SNX29: variants seen among roughly 807,000 people sequenced by gnomAD.
SNX29 encodes the protein sorting nexin 29, also known as sorting nexin-29.
In SNX29, 78 loss-of-function variants were observed where a neutral mutation model predicts 102.1. That is an observed-to-expected ratio of 0.76 (90% CI 0.64 to 0.92). SNX29 has a LOEUF of 0.92. SNX29 is among the 40% of genes least tolerant of loss of function. The probability of loss-of-function intolerance (pLI) is 0.00; values close to 1 mark genes in which losing one functional copy is unlikely to be tolerated. For synonymous variants in SNX29, 580 were observed against 414.5 expected (o/e 1.40, Z -4.85); for missense variants, 1,280 against 1,061.7 (o/e 1.21, Z -2.86).
chr16:12,137,842 C>A (rs1246266060), intron 13 of SNX29, among the ~76,000 whole-genome samples: 1 of 152,176 alleles, frequency 6.6e-6, no homozygotes, highest in African/African-American at 2.4e-5. Context: ...TCCAGCCCAG[C>A]TTGGGCTAGG....
At chr16:12,515,442 C>A in intron 19 of SNX29, 1 of 471,738 alleles carries the variant, frequency 2.1e-6, no homozygotes, top group Non-Finnish European at 4.3e-6. Flanking sequence ...CCGCAAGTCA[C>A]CCCTGAAATA....
intron 19 of SNX29, among the ~76,000 whole-genome samples, chr16:12,495,780 G>A (rs367691256): frequency 1.1e-4 from 17 of 152,308 alleles, no homozygotes; most frequent in African/African-American, 3.8e-4. Context: ...CTGGTTGGGC[G>A]TGGTGGCTCA....
chr16:12,522,204 A>G (rs1479863522), intron 19 of SNX29, among the ~76,000 whole-genome samples: 5 of 152,222 alleles, frequency 3.3e-5, no homozygotes, highest in African/African-American at 1.2e-4. Flanking sequence ...TATCGCAAAT[A>G]CTGCATGGAA....
chr16:12,389,979 A>G (rs1285297938), intron 16 of SNX29, among the ~76,000 whole-genome samples: 1 of 152,204 alleles, frequency 6.6e-6, no homozygotes, highest in Admixed American at 6.5e-5. Flanking sequence ...TGTTTCACCA[A>G]TTGGTTGAAA....
At chr16:12,552,259 T>C (rs1365685916) in intron 20 of SNX29, among the ~76,000 whole-genome samples, 2 of 152,106 alleles carry the variant, frequency 1.3e-5, no homozygotes, top group Non-Finnish European at 2.9e-5. Flanking sequence ...TCCTAGGGGC[T>C]CGTAAGCCCT....
intron 2 of SNX29, among the ~76,000 whole-genome samples, chr16:12,000,021 G>A (rs1251108291): frequency 1.3e-5 from 2 of 151,870 alleles, no homozygotes; most frequent in Admixed American, 6.6e-5. Flanking sequence ...TAGGACCCTC[G>A]AGCACAAGAA....
chr16:12,287,490 C>G (rs988627830), intron 15 of SNX29, among the ~76,000 whole-genome samples: 1 of 152,174 alleles, frequency 6.6e-6, no homozygotes, highest in East Asian at 1.9e-4. Flanking sequence ...CTTGTTTCAT[C>G]CACTTACCCT....
chr16:12,312,924 A>G (rs779650823), intron 15 of SNX29, among the ~76,000 whole-genome samples: 5 of 152,114 alleles, frequency 3.3e-5, no homozygotes, highest in Non-Finnish European at 7.4e-5. Context: ...GTGGCTTGCC[A>G]GAGGTGGGAT....
In SNX29 at chr16:12,059,114, C is replaced by T. The variant is rs556053690; in HGVS notation, c.1125-2414C>T. Among the ~76,000 whole-genome samples the T allele has an allele frequency of 3.3e-5, 5 of 152,168 alleles. No homozygotes were observed. The East Asian group carries it at 9.7e-4, about 29-fold the overall frequency. ...TTTTGAGGCGGTGGTCCTTGGGGCT[C>T]ACTTCTCGGGTTTGGAACCTCATCC... On this transcript the variant is annotated intron_variant, in intron 8 of 20. Transcript: ENST00000566228.
At chr16:12,189,770 C>T (rs982672025) in intron 13 of SNX29, among the ~76,000 whole-genome samples, 2 of 151,520 alleles carry the variant, frequency 1.3e-5, no homozygotes, top group African/African-American at 4.8e-5. Context: ...GTTTTGATGC[C>T]CGGATCGTCT....
intron 19 of SNX29, among the ~76,000 whole-genome samples, chr16:12,491,917 T>C (rs1221797087): frequency 1.3e-5 from 2 of 152,250 alleles, no homozygotes; most frequent in African/African-American, 4.8e-5. Flanking sequence ...ATTTTCTTAA[T>C]CCAGTCTATC....
intron 4 of SNX29, among the ~76,000 whole-genome samples, chr16:12,032,123 T>G (rs1297055876): frequency 5.3e-5 from 8 of 152,176 alleles, no homozygotes; most frequent in Admixed American, 1.3e-4. Context: ...TGTTCTTTTT[T>G]GTCTGGCTTT....
chr16:12,306,521 C>T (rs138032636), intron 15 of SNX29, among the ~76,000 whole-genome samples: 1 of 152,226 alleles, frequency 6.6e-6, no homozygotes, highest in Admixed American at 6.5e-5. Context: ...TATTACAGAG[C>T]CTTTGAAATC....
intron 20 of SNX29, among the ~76,000 whole-genome samples, chr16:12,551,852 G>A (rs906969611): frequency 5.3e-5 from 8 of 152,134 alleles, no homozygotes; most frequent in African/African-American, 1.2e-4. Flanking sequence ...TGGGGACACA[G>A]GAGCAGGCAG....
chr16:12,268,303 C>T (rs986623721), intron 14 of SNX29, among the ~76,000 whole-genome samples: 22 of 152,154 alleles, frequency 1.4e-4, no homozygotes, highest in African/African-American at 5.3e-4. Flanking sequence ...TCTCTAGTGC[C>T]TGGTACCTGG....
chr16:12,466,096 G>T (rs958821519), intron 18 of SNX29, among the ~76,000 whole-genome samples: 1 of 152,188 alleles, frequency 6.6e-6, no homozygotes, highest in Non-Finnish European at 1.5e-5. Flanking sequence ...AAACAACGAT[G>T]TGTACTCCTG....
intron 19 of SNX29, among the ~76,000 whole-genome samples, chr16:12,487,069 C>T (rs2088280537): frequency 6.6e-6 from 1 of 152,130 alleles, no homozygotes; most frequent in African/African-American, 2.4e-5. Flanking sequence ...CCTGTTTCCC[C>T]TTTTATATAC....
intron 20 of SNX29, among the ~76,000 whole-genome samples, chr16:12,529,861 A>C (rs1294091015): frequency 6.6e-6 from 1 of 152,154 alleles, no homozygotes; most frequent in African/African-American, 2.4e-5. Flanking sequence ...TGCTAACAGG[A>C]AGTAGCAACT....
chr16:12,539,708 G>A (rs952896685), intron 20 of SNX29, among the ~76,000 whole-genome samples: 2 of 152,180 alleles, frequency 1.3e-5, no homozygotes, highest in Non-Finnish European at 2.9e-5. Context: ...ATACTGTCAT[G>A]ATTCTTTACT....
Sources: allele counts gnomAD v4.1 joint callset (sites outside exome capture counted in the v4.1 genomes callset), GRCh38; gene constraint gnomAD v4.1.1; transcripts MANE v1.5; gene names NCBI Gene and HGNC (gene_info 2026-07-23, HGNC 2026-07-21).